The following ZNF678 variants were observed in gnomAD, a reference collection of about 807,000 sequenced individuals.
ZNF678 encodes the protein hypothetical protein MGC42493.
Under a neutral mutation model 3.0 loss-of-function variants are expected in ZNF678, and 5 were observed. The ratio of observed to expected loss-of-function variants is 1.69; its 90% confidence interval spans 0.88 to 3.56. ZNF678 has a LOEUF of 3.56. ZNF678 is among the 30% of genes most tolerant of loss of function. The pLI is 0.00. For missense variants in ZNF678, 593 were observed against 605.0 expected (o/e 0.98, Z 0.21); for synonymous variants, 218 against 199.6 (o/e 1.09, Z -0.78).
At chr1:227,582,765 A>G (rs1339651074) in intron 1 of ZNF678, among the ~76,000 whole-genome samples, 2 of 152,202 alleles carry the variant, frequency 1.3e-5, no homozygotes, top group East Asian at 1.9e-4. Flanking sequence ...GTGGCCTGAG[A>G]TAAGAATCAA....
chr1:227,637,727 G>A (rs557905518), intron 1 of ZNF678, among the ~76,000 whole-genome samples: 2 of 152,208 alleles, frequency 1.3e-5, no homozygotes, highest in Admixed American at 6.5e-5. Flanking sequence ...TTCGTATAAC[G>A]GTTTGGCAAG....
chr1:227,678,066 A>C (rs1659713320), downstream of ZNF678, among the ~76,000 whole-genome samples: 1 of 152,194 alleles, frequency 6.6e-6, no homozygotes, highest in Non-Finnish European at 1.5e-5. Context: ...TTTGCCTGGG[A>C]CTACAACCCC....
chr1:227,629,323 G>A (rs1249576313), intron 1 of ZNF678, among the ~76,000 whole-genome samples: 1 of 152,192 alleles, frequency 6.6e-6, no homozygotes, highest in African/African-American at 2.4e-5. Context: ...CTCAAGTAGG[G>A]GACAACAAAT....
chr1:227,600,483 A>T (rs1428134493), intron 1 of ZNF678, among the ~76,000 whole-genome samples: 3 of 152,210 alleles, frequency 2.0e-5, no homozygotes, highest in Non-Finnish European at 1.5e-5. Context: ...AGTAATAGCC[A>T]TTCCAACTGG....
At chr1:227,653,011 A>G (rs2102803903) in intron 3 of ZNF678, among the ~76,000 whole-genome samples, 1 of 152,230 alleles carries the variant, frequency 6.6e-6, no homozygotes, top group South Asian at 2.1e-4. Context: ...TTAATTGTGA[A>G]GGACAGTTTT....
At position 227,635,178 on chromosome 1, in the gene ZNF678, C is replaced by G. The variant is rs11484702; in HGVS notation, c.-163-11366C>G. ...TTTATAAACCACTTAATTTAGAAAA[C>G]TTTTATATGTATTTTCTTTGAAATG... is the stretch of plus-strand genomic sequence containing the variant. On this transcript the variant is annotated intron_variant, in intron 1 of 3. Transcript: ENST00000343776. 0.021 allele frequency among the ~76,000 whole-genome samples: 3,223 copies of G among 151,672 alleles called. 319 individuals carry two copies. The East Asian group carries it at 0.29, about 14-fold the overall frequency.
chr1:227,605,263 C>G (rs568253086), intron 1 of ZNF678, among the ~76,000 whole-genome samples: 29 of 152,128 alleles, frequency 1.9e-4, no homozygotes, highest in Non-Finnish European at 2.5e-4. Context: ...AGCTAGTGTA[C>G]AGAAATACAG....
intron 1 of ZNF678, among the ~76,000 whole-genome samples, chr1:227,595,604 C>T (rs890222816): frequency 2.6e-5 from 4 of 152,104 alleles, no homozygotes; most frequent in African/African-American, 4.8e-5. Context: ...ACCCATGCTT[C>T]TTCGAGACAA....
At chr1:227,597,374 C>T (rs985750225) in intron 1 of ZNF678, among the ~76,000 whole-genome samples, 2 of 152,252 alleles carry the variant, frequency 1.3e-5, no homozygotes, top group African/African-American at 4.8e-5. Flanking sequence ...GAACGTGTCA[C>T]AGTGTTGCAG....
At chr1:227,607,849 G>A (rs1052272543) in intron 1 of ZNF678, among the ~76,000 whole-genome samples, 3 of 148,924 alleles carry the variant, frequency 2.0e-5, no homozygotes, top group African/African-American at 4.9e-5. Context: ...TAGCACATAC[G>A]TTCATTCAGA....
intron 1 of ZNF678, among the ~76,000 whole-genome samples, chr1:227,635,820 G>A (rs950712795): frequency 3.3e-5 from 5 of 152,144 alleles, no homozygotes; most frequent in African/African-American, 4.8e-5. Context: ...GCCTTGCACC[G>A]TGGGACTGGG....
At chr1:227,618,231 C>G (rs565471182) in intron 1 of ZNF678, among the ~76,000 whole-genome samples, 8 of 152,342 alleles carry the variant, frequency 5.3e-5, no homozygotes, top group African/African-American at 1.9e-4. Flanking sequence ...ACAAAAGGCT[C>G]TCACTCTGGG....
chr1:227,663,224 A>T (rs114327254), downstream of ZNF678, among the ~76,000 whole-genome samples: 179 of 152,328 alleles, frequency 1.2e-3, no homozygotes, highest in Middle Eastern at 3.4e-3. Context: ...TGAGTTTGTG[A>T]TGCTGTATTA....
chr1:227,619,376 G>A (rs761678523), intron 1 of ZNF678, among the ~76,000 whole-genome samples: 3 of 152,182 alleles, frequency 2.0e-5, no homozygotes, highest in East Asian at 1.9e-4. Flanking sequence ...GCAGTTGCTC[G>A]AAAGTATAGT....
intron 1 of ZNF678, among the ~76,000 whole-genome samples, chr1:227,624,595 T>A (rs146710507): frequency 0.015 from 2,322 of 152,312 alleles, 20 homozygotes; most frequent in Middle Eastern, 0.044. Context: ...TTTTGTTCTC[T>A]GACCTGGGGT....
intron 1 of ZNF678, among the ~76,000 whole-genome samples, chr1:227,608,106 A>C (rs1378935223): frequency 6.6e-6 from 1 of 152,084 alleles, no homozygotes; most frequent in Non-Finnish European, 1.5e-5. Context: ...TATAAATAAT[A>C]TTATGAAAGC....
chr1:227,575,492 C>CT (rs1468652795), intron 1 of ZNF678, among the ~76,000 whole-genome samples: 1 of 151,982 alleles, frequency 6.6e-6, no homozygotes, highest in Non-Finnish European at 1.5e-5. Context: ...GGATGTTACT[C>CT]TTTTTTGTGG....
In ZNF678 at chr1:227,658,147, A is replaced by G. The variant is rs1198510889; in HGVS notation, c.*2319A>G. 6.6e-6 allele frequency: 1 copy of G among 151,894 alleles called. No individual in the cohort carries two copies. Among genetic ancestry groups the G allele is most frequent in the African/African-American group, 2.4e-5 (1 of 41,382 alleles). The allele number at this position is 151,894 out of a possible 1,614,324, so 9.4% of individuals were successfully genotyped here. A position where few individuals can be genotyped will look rare whatever the true frequency, so the allele number is the denominator to read the frequency against. On this transcript the variant is annotated 3_prime_UTR_variant, in exon 4 of 4. Transcript: ENST00000343776. ...TTTTGTATTTCAATTGGAGAACCCT[A>G]TTTTGGCCAATTTTTACTTGGTTTT...
At position 227,658,109 on chromosome 1, in the gene ZNF678, TA is replaced by T. The variant is rs1243124501; in HGVS notation, c.*2282del. On this transcript the variant is annotated 3_prime_UTR_variant, in exon 4 of 4. Transcript: ENST00000343776. ...TGTGTGTTACTACATTTTATTTAAT[TA>T]GTATATTTTATTTTTGTATTTCAAT... 8.5e-5 allele frequency: 13 copies of T among 152,054 alleles called. No homozygotes were observed. Among genetic ancestry groups the T allele is most frequent in the Non-Finnish European group, 1.9e-4 (13 of 67,950 alleles). 9.4% of individuals were successfully genotyped at this position (152,054 alleles called of 1,614,324 possible). A position where few individuals can be genotyped will look rare whatever the true frequency, so the allele number is the denominator to read the frequency against.
Sources: gnomAD v4.1 joint callset for allele counts (sites outside exome capture counted in the v4.1 genomes callset) on GRCh38, gnomAD v4.1.1 for gene constraint, MANE v1.5 for transcripts, NCBI Gene and HGNC (gene_info 2026-07-23, HGNC 2026-07-21) for gene names.